Variants in ADH4 observed in about 807,000 individuals in gnomAD.
The protein encoded by ADH4 is alcohol dehydrogenase 4 (class II), pi polypeptide, also known as all-trans-retinol dehydrogenase [NAD(+)] ADH4.
A neutral mutation model predicts 35.2 loss-of-function variants in ADH4; 31 were observed. The observed-to-expected ratio is 0.88, with a 90% CI of 0.66 to 1.19. The LOEUF (loss-of-function observed/expected upper bound fraction) is 1.19, where lower values mean the gene tolerates loss of function less well. Among genes scored for constraint, ADH4 ranks in the 50% most tolerant of loss-of-function variants. ADH4 has a pLI of 0.00. For missense variants in ADH4, 476 were observed against 458.3 expected (o/e 1.04, Z -0.35); for synonymous variants, 171 against 160.2 (o/e 1.07, Z -0.51).
chr4:99,143,356 G>T, intron 1 of ADH4: 1 of 569,980 alleles, frequency 1.8e-6, no homozygotes. Flanking sequence ...TGAGAAATGA[G>T]GCTTACATCA....
chr4:99,125,846 T>C (rs981344927), intron 8 of ADH4, among the ~76,000 whole-genome samples: 1 of 152,202 alleles, frequency 6.6e-6, no homozygotes, highest in African/African-American at 2.4e-5. Context: ...TTTAGACTTT[T>C]CCTCCTCTCT....
At chr4:99,126,782 T>A in intron 7 of ADH4, 50 bp from the exon 8 acceptor site, 2 of 1,521,954 alleles carry the variant, frequency 1.3e-6, no homozygotes, top group South Asian at 2.6e-5. Context: ...TGACACGAAG[T>A]AGTTTAATCA....
chr4:99,130,790 C>T (rs29001211), intron 6 of ADH4, among the ~76,000 whole-genome samples: 32,029 of 151,860 alleles, frequency 0.21, 4,051 homozygotes, highest in Non-Finnish European at 0.29. Flanking sequence ...AACAAAACAA[C>T]GAAAAACCCC....
Position 99,137,782 on chromosome 4 carries a change from C to T in ADH4, c.351-1085G>A, listed in dbSNP as rs1306979656. 2.6e-5 allele frequency among the ~76,000 whole-genome samples: 4 copies of T among 152,182 alleles called. No individual in the cohort carries two copies. The South Asian group carries it at 6.2e-4, about 24-fold the overall frequency. ...ATTATTCCTCCACAATATCTGCTCC[C>T]TCCCCCACATTGGAATATTTTGAAG... is the stretch of plus-strand genomic sequence containing the variant. On this transcript the variant is annotated intron_variant, in intron 4 of 8. Coordinates refer to ENST00000265512, the MANE Select transcript of ADH4 (RefSeq NM_000670.5).
At chr4:99,129,506 T>C (rs1259625682) in intron 6 of ADH4, among the ~76,000 whole-genome samples, 2 of 152,220 alleles carry the variant, frequency 1.3e-5, no homozygotes, top group African/African-American at 4.8e-5. Flanking sequence ...CTCTTTACAG[T>C]ATTGATTTGC....
intron 4 of ADH4, among the ~76,000 whole-genome samples, chr4:99,137,129 A>C (rs1274199378): frequency 4.6e-5 from 1 of 21,826 alleles, no homozygotes; most frequent in Non-Finnish European, 1.1e-4. Flanking sequence ...TTGTATTATT[A>C]TTATTATTTT....
At position 99,131,667 on chromosome 4, in the gene ADH4, C is replaced by A. The variant is rs142365973; in HGVS notation, c.680G>T (p.Gly227Val). The change falls in exon 6 of 9, where the codon GGT becomes GTT. Residue 227 changes from glycine (G) to valine (V), a missense_variant. By Grantham distance (109) the Gly-to-Val change is moderately radical. Transcript: ENST00000265512. ...CKAAGASRIIGIDINSEKFVK... is the reference protein window; with the variant it reads ...CKAAGASRIIVIDINSEKFVK... ...AAACTTCTCACTGTTGATGTCAATA[C>A]CTATGATTCTGGAAGCTCCTGCTGC... is the stretch of plus-strand genomic sequence containing the variant. The A allele has an allele frequency of 2.3e-3, 3,688 of 1,614,130 alleles. 7 individuals carry two copies. The highest frequency in any genetic ancestry group is 2.9e-3 in the Non-Finnish European group (3,461 of 1,180,000).
Position 99,139,126 on chromosome 4 carries a change from A to G in ADH4, c.285T>C (p.Tyr95=), listed in dbSNP as rs141136680. 10 of 1,613,280 alleles carry G rather than the reference A, an allele frequency of 6.2e-6. No homozygotes were observed. The highest frequency in any genetic ancestry group is 7.6e-6 in the Non-Finnish European group (9 of 1,179,552). ...VKPGDKVIPL[Y]APLCRKCKFC... ...ACTTGCATTTTCTACATAGAGGTGC[A>G]TAAAGTGGAATTACTTTGTCACCTA... is the stretch of plus-strand genomic sequence containing the variant. The change falls in exon 4 of 9, where the codon TAT becomes TAC. Residue 95 remains tyrosine, a synonymous_variant. Transcript: ENST00000265512.
At position 99,126,747 on chromosome 4, in the gene ADH4, A is replaced by G. The variant is rs957870198; in HGVS notation, c.980-15T>C. 1 of 1,576,414 alleles carries G rather than the reference A, an allele frequency of 6.3e-7. No individual in the cohort carries two copies. Among genetic ancestry groups the G allele is most frequent in the Non-Finnish European group, 8.7e-7 (1 of 1,154,090 alleles). ...ACTTTTCCAACCTGTAATGTGGACA[A>G]AATGCAAAATAAAGACATGGCACTT... On this transcript the variant is annotated splice_polypyrimidine_tract_variant and intron_variant, in intron 7 of 8. Coordinates refer to ENST00000265512, the MANE Select transcript of ADH4 (RefSeq NM_000670.5).
chr4:99,126,852 C>G (rs867195559), intron 7 of ADH4, 120 bp from the exon 8 acceptor site: 5 of 843,910 alleles, frequency 5.9e-6, no homozygotes, highest in African/African-American at 5.2e-5. Context: ...ATAGATTAAA[C>G]TCCTTCCATC....
chr4:99,125,367 C>T (rs1011098401), intron 8 of ADH4, among the ~76,000 whole-genome samples: 2 of 152,210 alleles, frequency 1.3e-5, no homozygotes, highest in Non-Finnish European at 1.5e-5. Flanking sequence ...CCAGGGAAGC[C>T]TCCTGGGAGA....
At chr4:99,141,431 G>T in intron 3 of ADH4, 110 bp downstream of exon 3, 1 of 1,036,910 alleles carries the variant, frequency 9.6e-7, no homozygotes, top group Non-Finnish European at 1.4e-6. Flanking sequence ...GGAAAAGATG[G>T]TCCCCTTTTG....
chr4:99,140,115 C>CTT (rs1729563967), intron 3 of ADH4, among the ~76,000 whole-genome samples: 1 of 151,638 alleles, frequency 6.6e-6, no homozygotes. Context: ...TAGGTATTAT[C>CTT]TTTATCTTAC....
chr4:99,138,186 TAGAA>T (rs1251692925), intron 4 of ADH4, among the ~76,000 whole-genome samples: 9 of 152,208 alleles, frequency 5.9e-5, no homozygotes, highest in Admixed American at 6.5e-5. Flanking sequence ...TAACATTTAT[TAGAA>T]AGAATTTATT....
At chr4:99,132,873 AC>A (rs1729329639) in intron 5 of ADH4, among the ~76,000 whole-genome samples, 1 of 152,174 alleles carries the variant, frequency 6.6e-6, no homozygotes, top group Non-Finnish European at 1.5e-5. Flanking sequence ...CAACAGGTAA[AC>A]TGCAATATTT....
chr4:99,136,447 CTG>C lies in ADH4; in HGVS notation c.582+17_582+18del, dbSNP rs761166634. The C allele has an allele frequency of 1.2e-6, 2 of 1,600,488 alleles. No homozygotes were observed. Among genetic ancestry groups the C allele is most frequent in the African/African-American group, 1.3e-5 (1 of 74,648 alleles). On this transcript the variant is annotated intron_variant, in intron 5 of 8. Transcript: ENST00000265512. ...CCTAGTAACTTCTGTTTTACACAAA[CTG>C]GTGTTTAACCATTTACCTTGGCATT...
intron 3 of ADH4, among the ~76,000 whole-genome samples, chr4:99,140,164 A>G (rs746243313): frequency 2.0e-5 from 3 of 152,182 alleles, no homozygotes; most frequent in Non-Finnish European, 4.4e-5. Context: ...GTTGACATAT[A>G]TATAATATTT....
At chr4:99,126,515 G>T (rs1296825583) in intron 8 of ADH4, 79 bp downstream of exon 8, 11 of 1,426,878 alleles carry the variant, frequency 7.7e-6, no homozygotes, top group Admixed American at 1.9e-5. Flanking sequence ...AAACAAGCTG[G>T]TTGCTTCTTA....
At chr4:99,143,012 C>A (rs1729679956) in intron 1 of ADH4, 2 of 565,690 alleles carry the variant, frequency 3.5e-6, no homozygotes, top group South Asian at 1.8e-5. Context: ...TTTTTTATTT[C>A]TTGAAAAAAA....
Sources: gnomAD v4.1 joint callset for allele counts (sites outside exome capture counted in the v4.1 genomes callset) on GRCh38, gnomAD v4.1.1 for gene constraint, MANE v1.5 for transcripts, NCBI Gene and HGNC (gene_info 2026-07-23, HGNC 2026-07-21) for gene names.